The following PCDH15 variants were observed in gnomAD, a reference collection of about 807,000 sequenced individuals.
PCDH15 encodes protocadherin-15.
Under a neutral mutation model 178.5 loss-of-function variants are expected in PCDH15, and 129 were observed. The ratio of observed to expected loss-of-function variants is 0.72; its 90% CI spans 0.63 to 0.84. PCDH15 has a LOEUF of 0.84. PCDH15 is among the 40% of genes least tolerant of loss of function. The pLI, the probability that PCDH15 is intolerant of heterozygous loss-of-function variation, is 0.00. For synonymous variants in PCDH15, 800 were observed against 732.0 expected (o/e 1.09, Z -1.50); for missense variants, 2,230 against 2,099.9 (o/e 1.06, Z -1.21).
At position 54,217,551 on chromosome 10, in the gene PCDH15, T is replaced by TA. The variant is rs1234822192; in HGVS notation, c.986-3504dup. ...CAGGGGATGATAAAGAGATAGAAAT[T>TA]AAAAATTAAAGAGGTAAAATAGAAC... On this transcript the variant is annotated intron_variant, in intron 9 of 37. Coordinates refer to ENST00000644397, the MANE Select transcript of PCDH15 (RefSeq NM_001384140.1). Among the ~76,000 whole-genome samples the TA allele has an allele frequency of 2.0e-5, 3 of 152,142 alleles. No homozygotes were observed. In the East Asian group the frequency reaches 5.8e-4, roughly 29 times the overall value.
At chr10:55,185,454 C>A (rs903093627) in intron 1 of PCDH15, among the ~76,000 whole-genome samples, 5 of 151,680 alleles carry the variant, frequency 3.3e-5, no homozygotes, top group Non-Finnish European at 5.9e-5. Flanking sequence ...ATGAGTGCAA[C>A]ATCAAATAAG....
intron 3 of PCDH15, among the ~76,000 whole-genome samples, chr10:54,504,835 T>C (rs1351822402): frequency 6.6e-6 from 1 of 152,136 alleles, no homozygotes; most frequent in Non-Finnish European, 1.5e-5. Context: ...CTGTACTCTC[T>C]CTGTACATGA....
intron 18 of PCDH15, among the ~76,000 whole-genome samples, chr10:54,032,026 TA>T (rs922079904): frequency 1.3e-4 from 19 of 151,802 alleles, no homozygotes; most frequent in African/African-American, 4.1e-4. Context: ...TATGTGATGG[TA>T]AAAAAAATTA....
intron 15 of PCDH15, among the ~76,000 whole-genome samples, chr10:54,126,931 A>C (rs2042041488): frequency 1.3e-5 from 2 of 152,186 alleles, no homozygotes; most frequent in African/African-American, 4.8e-5. Context: ...CTTGTCTCTC[A>C]AAACATAGGC....
intron 2 of PCDH15, among the ~76,000 whole-genome samples, chr10:55,552,102 T>C (rs759583008): frequency 7.2e-5 from 11 of 151,812 alleles, no homozygotes; most frequent in South Asian, 2.1e-4. Flanking sequence ...CTATTATTCA[T>C]ACTGCGTAGT....
At chr10:54,290,072 C>T (rs777077915) in intron 8 of PCDH15, among the ~76,000 whole-genome samples, 3 of 152,070 alleles carry the variant, frequency 2.0e-5, no homozygotes, top group African/African-American at 4.8e-5. Context: ...TTGAGAAGAG[C>T]ATCCCCAAGG....
At chr10:54,141,546 G>T (rs951903704) in intron 14 of PCDH15, among the ~76,000 whole-genome samples, 6 of 152,026 alleles carry the variant, frequency 3.9e-5, no homozygotes, top group African/African-American at 1.4e-4. Flanking sequence ...CTGTGATATG[G>T]GTTAAAAGTT....
intron 2 of PCDH15, among the ~76,000 whole-genome samples, chr10:55,526,826 A>C (rs1190774385): frequency 6.6e-6 from 1 of 152,088 alleles, no homozygotes; most frequent in Non-Finnish European, 1.5e-5. Context: ...TTCTCAGAGT[A>C]GGTATTAGGT....
chr10:54,644,429 T>A (rs116726943), intron 2 of PCDH15, among the ~76,000 whole-genome samples: 2,088 of 151,916 alleles, frequency 0.014, 57 homozygotes, highest in African/African-American at 0.048. Context: ...TATAAAAGTA[T>A]GTTAGGAATC....
intron 5 of PCDH15, among the ~76,000 whole-genome samples, chr10:54,361,910 G>A (rs1330988136): frequency 6.6e-6 from 1 of 151,966 alleles, no homozygotes; most frequent in Non-Finnish European, 1.5e-5. Context: ...GCTCAGTTTT[G>A]GAGTGAGAAT....
intron 2 of PCDH15, among the ~76,000 whole-genome samples, chr10:54,586,802 C>A (rs2091501816): frequency 6.6e-6 from 1 of 151,934 alleles, no homozygotes; most frequent in African/African-American, 2.4e-5. Context: ...ACGGATGTGC[C>A]ATAGTTTGTA....
intron 1 of PCDH15, among the ~76,000 whole-genome samples, chr10:54,675,460 GTT>G (rs34250846): frequency 1.6e-3 from 186 of 118,172 alleles, no homozygotes; most frequent in East Asian, 6.9e-3. Context: ...TTTTCATGTT[GTT>G]TTTTTTTTTT....
chr10:53,871,357 A>G (rs1227619564), intron 26 of PCDH15, among the ~76,000 whole-genome samples: 1 of 151,982 alleles, frequency 6.6e-6, no homozygotes, highest in African/African-American at 2.4e-5. Flanking sequence ...ACAAAACAAC[A>G]AAACTAATAA....
chr10:54,952,569 A>T (rs1240919115), intron 2 of PCDH15, among the ~76,000 whole-genome samples: 1 of 151,792 alleles, frequency 6.6e-6, no homozygotes, highest in Non-Finnish European at 1.5e-5. Flanking sequence ...AGATTGCATG[A>T]ATCTATAAAG....
chr10:54,424,954 T>C (rs1380955318), intron 3 of PCDH15, among the ~76,000 whole-genome samples: 1 of 149,164 alleles, frequency 6.7e-6, no homozygotes, highest in African/African-American at 2.5e-5. Context: ...CACATGTATA[T>C]ATATGTAACA....
chr10:54,769,461 A>G (rs1447561691), intron 1 of PCDH15, among the ~76,000 whole-genome samples: 1 of 151,402 alleles, frequency 6.6e-6, no homozygotes, highest in Admixed American at 6.6e-5. Flanking sequence ...TTTTTCAAAA[A>G]TTAGTGACTT....
At chr10:55,109,374 C>G (rs1052807280) in intron 2 of PCDH15, among the ~76,000 whole-genome samples, 1 of 152,050 alleles carries the variant, frequency 6.6e-6, no homozygotes, top group Non-Finnish European at 1.5e-5. Flanking sequence ...AAACTTATTA[C>G]CCTAAATTAA....
chr10:54,335,633 T>C (rs1940932061), intron 6 of PCDH15, among the ~76,000 whole-genome samples: 1 of 152,214 alleles, frequency 6.6e-6, no homozygotes, highest in Admixed American at 6.5e-5. Flanking sequence ...TCTGCTTCCA[T>C]GTAAGACATG....
At chr10:54,107,386 C>T (rs1363711534) in intron 15 of PCDH15, among the ~76,000 whole-genome samples, 3 of 152,118 alleles carry the variant, frequency 2.0e-5, no homozygotes, top group Non-Finnish European at 2.9e-5. Context: ...GTATGATAAC[C>T]GTTTGCTCCT....
Sources: gnomAD v4.1 joint callset for allele counts (sites outside exome capture counted in the v4.1 genomes callset) on GRCh38, gnomAD v4.1.1 for gene constraint, MANE v1.5 for transcripts, NCBI Gene and HGNC (gene_info 2026-07-23, HGNC 2026-07-21) for gene names.